Variants in CASP14 observed in about 807,000 individuals in gnomAD.
CASP14 encodes the protein caspase 14.
In CASP14, 27 loss-of-function variants were observed where a neutral mutation model predicts 28.4. That is an observed-to-expected ratio of 0.95 (90% CI 0.70 to 1.31). CASP14 has a LOEUF of 1.31. CASP14 is among the 50% of genes most tolerant of loss of function. The pLI, the probability that CASP14 is intolerant of heterozygous loss-of-function variation, is 0.00. For synonymous variants in CASP14, 115 were observed against 118.6 expected (o/e 0.97, Z 0.20); for missense variants, 323 against 312.8 (o/e 1.03, Z -0.25).
In CASP14 at chr19:15,055,166, G is replaced by C; in HGVS notation, c.412G>C (p.Asp138His). ...TCTTCTTGTTGTTTCAGAACAAAGG[G>C]ACCCCGGTGAAACAGTAGGTGGAGA... ...IIQACRGEQR[D>H]PGETVGGDEI... Residue 138 changes from aspartate to histidine, a missense_variant, in exon 5 of 7, where the codon GAC (aspartate) becomes CAC (histidine). Physicochemically the swap from Asp to His is moderately conservative, Grantham distance 81. Transcript: ENST00000427043. 6.2e-7 allele frequency: 1 copy of C among 1,613,696 alleles called. No homozygotes were observed. The highest frequency in any genetic ancestry group is 8.5e-7 in the Non-Finnish European group (1 of 1,179,732).
rs986283786 is a variant in CASP14, at chr19:15,056,153, C to T, written c.*64C>T. 1.3e-5 allele frequency: 16 copies of T among 1,264,022 alleles called. No individual in the cohort carries two copies. The highest frequency in any genetic ancestry group is 1.2e-5 in the Non-Finnish European group (11 of 889,158). 78.3% of individuals were successfully genotyped at this position (1,264,022 alleles called of 1,614,324 possible). On this transcript the variant is annotated 3_prime_UTR_variant, in exon 7 of 7. Coordinates refer to ENST00000427043, the MANE Select transcript of CASP14 (RefSeq NM_012114.3). ...TTTCTGTCTCACAGAAATTTAGAGGCAGCTCTTACCTCTCCCCAAGATCTT... is the reference window on the plus strand; with the variant it reads ...TTTCTGTCTCACAGAAATTTAGAGGTAGCTCTTACCTCTCCCCAAGATCTT...
chr19:15,053,507 G>A lies in CASP14; in HGVS notation c.53G>A (p.Arg18His), dbSNP rs771317945. The A allele has an allele frequency of 3.5e-5, 57 of 1,613,934 alleles. No homozygotes were observed. The highest frequency in any genetic ancestry group is 3.3e-4 in the Middle Eastern group (2 of 6,082). Residue 18 changes from arginine to histidine, a missense_variant, in exon 3 of 7, where the codon CGC becomes CAC. Coordinates refer to ENST00000427043, the MANE Select transcript of CASP14 (RefSeq NM_012114.3). ...GAGAAATATGATATGTCAGGTGCCC[G>A]CCTGGCCCTAATACTGTGTGTCACC... is the stretch of plus-strand genomic sequence containing the variant. ...EEEKYDMSGA[R>H]LALILCVTKA...
In CASP14 at chr19:15,053,686, G is replaced by A. The variant is rs765685732; in HGVS notation, c.178-47G>A. ...GGGGGAAAGGTACTAGGTTGGAAGT[G>A]TAGGCTATGGGGACCCAGCTGAGTC... On this transcript the variant is annotated intron_variant, in intron 3 of 6. Transcript: ENST00000427043. 6 of 1,613,552 alleles carry A rather than the reference G, an allele frequency of 3.7e-6. No homozygotes were observed. The Admixed American group carries it at 6.7e-5, about 18-fold the overall frequency.
At position 15,053,787 on chromosome 19, in the gene CASP14, C is replaced by A. The variant is rs748093508; in HGVS notation, c.232C>A (p.Pro78Thr). 181 of 1,613,938 alleles carry A rather than the reference C, an allele frequency of 1.1e-4. No homozygotes were observed. Among genetic ancestry groups the A allele is most frequent in the Non-Finnish European group, 1.5e-4 (178 of 1,180,002 alleles). Residue 78 changes from proline to threonine, a missense_variant, in exon 4 of 7, where the codon CCC becomes ACC. Physicochemically the swap from Pro to Thr is conservative, Grantham distance 38. Coordinates refer to ENST00000427043, the MANE Select transcript of CASP14 (RefSeq NM_012114.3). ...FQQAIDSRED[P>T]VSCAFVVLMA... ...GCAGGCCATCGATTCCCGGGAAGAT[C>A]CCGTCAGTTGTGCCTTCGTGGTACT...
Position 15,055,487 on chromosome 19 carries a change from A to T in CASP14, c.578A>T (p.Asp193Val). 1 of 1,614,074 alleles carries T rather than the reference A, an allele frequency of 6.2e-7. No homozygotes were observed. Among genetic ancestry groups the T allele is most frequent in the Non-Finnish European group, 8.5e-7 (1 of 1,179,992 alleles). ...TCATGCTTTATCCAGACCCTGGTGG[A>T]TGTGTTCACGAAGAGGAAAGGACAT... ...KGSCFIQTLV[D>V]VFTKRKGHIL... The change falls in exon 6 of 7, where the codon GAT becomes GTT. Residue 193 changes from aspartate (D) to valine (V), a missense_variant. Coordinates refer to ENST00000427043, the MANE Select transcript of CASP14 (RefSeq NM_012114.3).
rs7246853 is a variant in CASP14 at position 15,056,515 on chromosome 19, C to A, written c.*426C>A. 0.11 allele frequency: 18,775 copies of A among 172,682 alleles called. 1,290 individuals carry two copies. Among genetic ancestry groups the A allele is most frequent in the African/African-American group, 0.21 (8,792 of 42,184 alleles). The allele number at this position is 172,682 out of a possible 1,614,324, so 10.7% of individuals were successfully genotyped here. Reference sequence around the variant, plus strand: ...TGGCTCCTGCATCTCACTTGGAGGTCAAACCTCCTCCTGAGGCCAATGCAT... The same window carrying A: ...TGGCTCCTGCATCTCACTTGGAGGTAAAACCTCCTCCTGAGGCCAATGCAT... On this transcript the variant is annotated 3_prime_UTR_variant, in exon 7 of 7. Transcript: ENST00000427043.
Position 15,055,986 on chromosome 19 carries a change from T to C in CASP14, c.626T>C (p.Val209Ala). Residue 209 changes from valine (V) to alanine (A), a missense_variant and splice_region_variant, in exon 7 of 7, where the codon GTG becomes GCG. Val to Ala is a moderately conservative substitution (Grantham distance 64). Transcript: ENST00000427043. ...AGCTCACCACACCTGTTGCTGCAGG[T>C]GACCCGGCGGATGGCAGAAGCAGAG... ...KGHILELLTE[V>A]TRRMAEAELV... 5 of 1,603,976 alleles carry C rather than the reference T, an allele frequency of 3.1e-6. No homozygotes were observed. The highest frequency in any genetic ancestry group is 1.1e-5 in the South Asian group (1 of 89,142).
At position 15,056,824 on chromosome 19, in the gene CASP14, G is replaced by A. The variant is rs1005152526; in HGVS notation, c.*735G>A. The A allele has an allele frequency of 2.6e-5, 4 of 152,082 alleles. No homozygotes were observed. Among genetic ancestry groups the A allele is most frequent in the Admixed American group, 6.6e-5 (1 of 15,256 alleles). The allele number at this position is 152,082 out of a possible 1,614,324, so 9.4% of individuals were successfully genotyped here. ...TAAATGAGAGCGTGTTGGAGCTATG[G>A]CAAATTCCCTGTTGTCACCTTGCTA... On this transcript the variant is annotated 3_prime_UTR_variant, in exon 7 of 7. Transcript: ENST00000427043.
intron 2 of CASP14, among the ~76,000 whole-genome samples, chr19:15,052,834 G>A (rs947594986): frequency 9.9e-5 from 15 of 152,132 alleles, no homozygotes; most frequent in African/African-American, 3.6e-4. Context: ...TGGAAACTGA[G>A]GCTCAGATGG....
At chr19:15,049,796 T>C (rs528708805) in intron 1 of CASP14, among the ~76,000 whole-genome samples, 151 bp downstream of exon 1, 1 of 151,668 alleles carries the variant, frequency 6.6e-6, no homozygotes, top group Non-Finnish European at 1.5e-5. Context: ...TTTGGCAGAA[T>C]GGAAGAAATT....
chr19:15,055,082 G>A (rs2046109579), intron 4 of CASP14, 76 bp from the exon 5 acceptor site: 6 of 1,121,768 alleles, frequency 5.3e-6, no homozygotes, highest in Admixed American at 1.7e-5. Flanking sequence ...TGGGAATACA[G>A]GTGTGAGCCA....
At chr19:15,052,073 TC>T (rs2145280325) in intron 1 of CASP14, 132 bp from the exon 2 acceptor site, 1 of 592,496 alleles carries the variant, frequency 1.7e-6, no homozygotes, top group South Asian at 2.1e-5. Flanking sequence ...ATTGCCCAGA[TC>T]TGTCCACAGA....
chr19:15,053,764 A>C lies in CASP14; in HGVS notation c.209A>C (p.Gln70Pro). ...CAGGAAGAGCTGGAAAAATTCCAGC[A>C]GGCCATCGATTCCCGGGAAGATCCC... ...QFQEELEKFQ[Q>P]AIDSREDPVS... is the part of the protein sequence containing the mutation. Residue 70 changes from glutamine (Q) to proline (P), a missense_variant, in exon 4 of 7, where the codon CAG (glutamine) becomes CCG (proline). Physicochemically the swap from Gln to Pro is moderately conservative, Grantham distance 76 (BLOSUM62 -1). Transcript: ENST00000427043. 1 of 1,613,840 alleles carries C rather than the reference A, an allele frequency of 6.2e-7. No individual in the cohort carries two copies. The highest frequency in any genetic ancestry group is 8.5e-7 in the Non-Finnish European group (1 of 1,179,740).
At chr19:15,051,276 A>G (rs1301351543) in intron 1 of CASP14, among the ~76,000 whole-genome samples, 2 of 151,728 alleles carry the variant, frequency 1.3e-5, no homozygotes, top group Non-Finnish European at 2.9e-5. Context: ...AGGTGGGCAG[A>G]TCATGAGGTC....
At chr19:15,054,052 T>C in intron 4 of CASP14, 94 bp downstream of exon 4, 1 of 1,007,036 alleles carries the variant, frequency 9.9e-7, no homozygotes, top group Non-Finnish European at 1.5e-6. Context: ...TGGCGGAATC[T>C]CAACTCACTG....
At chr19:15,052,033 G>A in intron 1 of CASP14, among the ~76,000 whole-genome samples, 173 bp from the exon 2 acceptor site, 1 of 152,130 alleles carries the variant, frequency 6.6e-6, no homozygotes, top group East Asian at 1.9e-4. Flanking sequence ...TTCTAGGGGT[G>A]ATATATTACT....
Position 15,054,065 on chromosome 19 carries a change from A to G in CASP14, c.403+107A>G, listed in dbSNP as rs1462904211. 6.9e-6 allele frequency: 6 copies of G among 875,018 alleles called. No homozygotes were observed. The Admixed American group carries it at 1.0e-4, about 15-fold the overall frequency. 54.2% of individuals were successfully genotyped at this position (875,018 alleles called of 1,614,324 possible). A position where few individuals can be genotyped will look rare whatever the true frequency, so the allele number is the denominator to read the frequency against. ...AGTGGCGGAATCTCAACTCACTGCA[A>G]TCTCCATCTCCCAGGCTCCAGCCGT... On this transcript the variant is annotated intron_variant, in intron 4 of 6. Coordinates refer to ENST00000427043, the MANE Select transcript of CASP14 (RefSeq NM_012114.3).
chr19:15,054,002 C>T, intron 4 of CASP14, 44 bp downstream of exon 4: 1 of 1,545,662 alleles, frequency 6.5e-7, no homozygotes, highest in Non-Finnish European at 8.8e-7. Context: ...TTTGTTGTTT[C>T]TGTTTTGTTT....
intron 4 of CASP14, 95 bp from the exon 5 acceptor site, chr19:15,055,063 C>T (rs951189914): frequency 2.2e-6 from 2 of 916,890 alleles, no homozygotes; most frequent in Non-Finnish European, 1.8e-6. Flanking sequence ...CTTCAGCCCC[C>T]CAAAACACTG....
Sources: allele counts gnomAD v4.1 joint callset (sites outside exome capture counted in the v4.1 genomes callset), GRCh38; gene constraint gnomAD v4.1.1; transcripts MANE v1.5; gene names NCBI Gene and HGNC (gene_info 2026-07-23, HGNC 2026-07-21).